SORCS1: variants seen among roughly 807,000 people sequenced by gnomAD.
SORCS1 encodes sortilin related VPS10 domain containing receptor 1, also known as VPS10 domain-containing receptor SorCS1.
In SORCS1, 60 loss-of-function variants were observed where a neutral mutation model predicts 146.1. That is an observed-to-expected ratio of 0.41 (90% CI 0.33 to 0.51). The LOEUF (loss-of-function observed/expected upper bound fraction) is 0.51, where lower values mean the gene tolerates loss of function less well. Ranked by LOEUF, SORCS1 falls within the 20% of genes least tolerant of loss-of-function variation. The pLI is 0.21. For missense variants in SORCS1, 1,352 were observed against 1,487.6 expected, an observed-to-expected ratio of 0.91 and a Z score of 1.50; for synonymous variants, 637 against 584.0, an observed-to-expected ratio of 1.09 and a Z score of -1.31.
At chr10:106,649,182 C>T (rs1026816389) in intron 18 of SORCS1, among the ~76,000 whole-genome samples, 8 of 152,158 alleles carry the variant, frequency 5.3e-5, no homozygotes, top group Admixed American at 1.3e-4. Flanking sequence ...TCTGTCCTTG[C>T]GACAAGGTAG....
intron 10 of SORCS1, among the ~76,000 whole-genome samples, chr10:106,683,096 A>G (rs1416727757): frequency 6.6e-6 from 1 of 152,238 alleles, no homozygotes; most frequent in Non-Finnish European, 1.5e-5. Flanking sequence ...ACACAACCAT[A>G]CAGAGTTTTT....
chr10:106,821,420 C>T (rs1193519907), intron 3 of SORCS1, among the ~76,000 whole-genome samples: 5 of 152,132 alleles, frequency 3.3e-5, no homozygotes, highest in Non-Finnish European at 7.4e-5. Flanking sequence ...TTTAAAAATA[C>T]ATAAATGTAG....
chr10:106,775,103 T>A (rs1349350962), intron 4 of SORCS1, among the ~76,000 whole-genome samples: 1 of 152,188 alleles, frequency 6.6e-6, no homozygotes, highest in African/African-American at 2.4e-5. Flanking sequence ...TATTTGGGCA[T>A]CTCCTCCAGC....
intron 21 of SORCS1, 28 bp downstream of exon 21, chr10:106,618,121 C>CAGTAGAT (rs749145153): frequency 6.2e-7 from 1 of 1,613,108 alleles, no homozygotes; most frequent in Admixed American, 1.7e-5. Context: ...ATGAAGACAG[C>CAGTAGAT]AGTAGATCCA....
chr10:106,833,695 G>A (rs946745240), intron 2 of SORCS1, among the ~76,000 whole-genome samples: 2 of 152,156 alleles, frequency 1.3e-5, no homozygotes, highest in Admixed American at 6.6e-5. Flanking sequence ...CTGATCTGTC[G>A]ATGCCTTTGC....
chr10:106,950,039 C>A (rs1589771462), intron 2 of SORCS1, among the ~76,000 whole-genome samples: 1 of 152,128 alleles, frequency 6.6e-6, no homozygotes, highest in Non-Finnish European at 1.5e-5. Flanking sequence ...TATCTTGTAC[C>A]AATATGATAA....
At chr10:106,986,998 TTC>T (rs2139418677) in intron 1 of SORCS1, among the ~76,000 whole-genome samples, 1 of 152,358 alleles carries the variant, frequency 6.6e-6, no homozygotes, top group Admixed American at 6.5e-5. Context: ...GGGTAACATT[TTC>T]CACTTTCTCT....
At chr10:107,116,675 T>G (rs1966059563) in intron 1 of SORCS1, among the ~76,000 whole-genome samples, 1 of 152,132 alleles carries the variant, frequency 6.6e-6, no homozygotes, top group African/African-American at 2.4e-5. Context: ...AATGTTGATG[T>G]AAGGGTACAA....
At chr10:106,726,151 G>A (rs1359481042) in intron 6 of SORCS1, among the ~76,000 whole-genome samples, 1 of 144,168 alleles carries the variant, frequency 6.9e-6, no homozygotes, top group African/African-American at 2.6e-5. Context: ...GTTTTAACTG[G>A]AGCCTTGGTT....
At chr10:106,671,193 T>C (rs749943782) in intron 16 of SORCS1, 44 bp downstream of exon 16, 18 of 1,612,280 alleles carry the variant, frequency 1.1e-5, no homozygotes, top group Non-Finnish European at 1.4e-5. Flanking sequence ...CCCATGTGGA[T>C]TTGATACACC....
intron 21 of SORCS1, among the ~76,000 whole-genome samples, chr10:106,616,063 C>T (rs746132440): frequency 2.9e-4 from 44 of 152,202 alleles, no homozygotes; most frequent in Non-Finnish European, 4.4e-4. Context: ...ATGTCAATTA[C>T]TATCACCACC....
chr10:106,785,455 T>G (rs1214394051), intron 3 of SORCS1, among the ~76,000 whole-genome samples: 2 of 152,226 alleles, frequency 1.3e-5, no homozygotes, highest in African/African-American at 4.8e-5. Context: ...CCTGTACATG[T>G]AATACATTTG....
intron 18 of SORCS1, 21 bp from the exon 19 acceptor site, chr10:106,629,409 A>T: frequency 6.2e-7 from 1 of 1,611,636 alleles, no homozygotes; most frequent in Non-Finnish European, 8.5e-7. Flanking sequence ...ACCCAACATC[A>T]GAGGAAATGA....
intron 1 of SORCS1, among the ~76,000 whole-genome samples, chr10:107,148,921 A>G (rs1968547899): frequency 6.6e-6 from 1 of 152,228 alleles, no homozygotes; most frequent in African/African-American, 2.4e-5. Flanking sequence ...TTGTCTTAAA[A>G]TAATGAAATT....
chr10:106,578,515 C>T (rs1844698641), intron 25 of SORCS1: 7 of 291,578 alleles, frequency 2.4e-5, no homozygotes, highest in Non-Finnish European at 3.6e-5. Context: ...CTCTTGTCCT[C>T]AATCTTAGGT....
At chr10:107,003,924 C>T (rs1269026504) in intron 1 of SORCS1, among the ~76,000 whole-genome samples, 5 of 151,930 alleles carry the variant, frequency 3.3e-5, no homozygotes, top group African/African-American at 7.3e-5. Flanking sequence ...GCCTGTAATC[C>T]CAGCACTTTG....
At chr10:106,918,350 A>C (rs977881979) in intron 2 of SORCS1, among the ~76,000 whole-genome samples, 5 of 151,988 alleles carry the variant, frequency 3.3e-5, no homozygotes, top group African/African-American at 1.2e-4. Context: ...TTTTTAGTAG[A>C]GATGGTGTTT....
chr10:107,163,858 A>C, intron 1 of SORCS1, 111 bp downstream of exon 1: 2 of 1,244,404 alleles, frequency 1.6e-6, no homozygotes, highest in Non-Finnish European at 2.2e-6. Context: ...AGTTTGCAGC[A>C]TCTCCCATGT....
the SORCS1 span, among the ~76,000 whole-genome samples, chr10:107,180,095 T>A: frequency 6.6e-6 from 1 of 151,828 alleles, no homozygotes; most frequent in Admixed American, 6.6e-5. Flanking sequence ...TTGTTGTTTT[T>A]TATAGAGATG....
Sources: allele counts gnomAD v4.1 joint callset (sites outside exome capture counted in the v4.1 genomes callset), GRCh38; gene constraint gnomAD v4.1.1; transcripts MANE v1.5; gene names NCBI Gene and HGNC (gene_info 2026-07-23, HGNC 2026-07-21).